Variants in HSDL2 observed in about 807,000 individuals in gnomAD.
HSDL2 encodes the protein hydroxysteroid dehydrogenase like 2, also known as hydroxysteroid dehydrogenase-like protein 2.
Under a neutral mutation model 46.3 loss-of-function variants are expected in HSDL2, and 27 were observed. That is an observed-to-expected ratio of 0.58 (90% CI 0.43 to 0.80). The LOEUF (loss-of-function observed/expected upper bound fraction) is 0.80, where lower values mean the gene tolerates loss of function less well. Among genes scored for constraint, HSDL2 ranks in the 30% least tolerant of loss-of-function variants. The pLI is 0.00. For missense variants in HSDL2, 451 were observed against 502.7 expected, an observed-to-expected ratio of 0.90 and a Z score of 0.98; for synonymous variants, 153 against 163.6, an observed-to-expected ratio of 0.94 and a Z score of 0.50.
At chr9:112,404,915 AT>A (rs1160515303) in intron 2 of HSDL2, among the ~76,000 whole-genome samples, 1 of 115,744 alleles carries the variant, frequency 8.6e-6, no homozygotes, top group Non-Finnish European at 1.8e-5. Context: ...CCAGCAAAAA[AT>A]AAAACAGGGG....
At chr9:112,427,598 G>A (rs919887552) in intron 6 of HSDL2, among the ~76,000 whole-genome samples, 3 of 152,036 alleles carry the variant, frequency 2.0e-5, no homozygotes, top group Non-Finnish European at 4.4e-5. Flanking sequence ...CATTGCATTT[G>A]TTTGATAAGT....
chr9:112,462,861 C>A (rs189734760), intron 10 of HSDL2, among the ~76,000 whole-genome samples: 2 of 152,266 alleles, frequency 1.3e-5, no homozygotes, highest in African/African-American at 4.8e-5. Flanking sequence ...ATTCCCAAAG[C>A]CCTAGCCAGC....
chr9:112,392,304 T>A (rs1208980183), intron 1 of HSDL2, among the ~76,000 whole-genome samples: 1 of 151,502 alleles, frequency 6.6e-6, no homozygotes, highest in Middle Eastern at 3.2e-3. Flanking sequence ...CTATGTTCAG[T>A]GGTGCAGGTA....
chr9:112,452,795 G>C (rs1197635452), intron 8 of HSDL2, among the ~76,000 whole-genome samples: 2 of 152,176 alleles, frequency 1.3e-5, no homozygotes, highest in Non-Finnish European at 2.9e-5. Flanking sequence ...TCATGATATG[G>C]GAGCAAAGCA....
chr9:112,420,737 A>G (rs1218878999), intron 6 of HSDL2, among the ~76,000 whole-genome samples: 2 of 151,948 alleles, frequency 1.3e-5, no homozygotes, highest in Non-Finnish European at 2.9e-5. Context: ...CATCATATAC[A>G]TTTCTGTTAC....
chr9:112,441,321 T>A (rs943087970), intron 7 of HSDL2, among the ~76,000 whole-genome samples: 1 of 152,102 alleles, frequency 6.6e-6, no homozygotes, highest in Admixed American at 6.5e-5. Flanking sequence ...GAGAAGAAAG[T>A]CCTTCTTAAG....
chr9:112,386,395 T>C (rs957365787), intron 1 of HSDL2, among the ~76,000 whole-genome samples: 7 of 152,170 alleles, frequency 4.6e-5, no homozygotes, highest in African/African-American at 1.7e-4. Context: ...GCCGATGATA[T>C]TATCCTGCAC....
chr9:112,385,027 T>G (rs1229916017), intron 1 of HSDL2, among the ~76,000 whole-genome samples: 1 of 152,156 alleles, frequency 6.6e-6, no homozygotes, highest in Admixed American at 6.5e-5. Context: ...TGGAGTTCAT[T>G]TCTGCAGGCT....
chr9:112,397,454 A>G (rs1831482702), intron 1 of HSDL2, among the ~76,000 whole-genome samples: 1 of 152,220 alleles, frequency 6.6e-6, no homozygotes, highest in Non-Finnish European at 1.5e-5. Context: ...CTTGTAATTT[A>G]GCCAAAAAAT....
chr9:112,400,380 G>A (rs963030826), intron 1 of HSDL2, among the ~76,000 whole-genome samples: 1 of 152,252 alleles, frequency 6.6e-6, no homozygotes, highest in East Asian at 1.9e-4. Flanking sequence ...AGGCCGAGGT[G>A]GGCAGATCAT....
intron 8 of HSDL2, among the ~76,000 whole-genome samples, chr9:112,446,891 T>C (rs4979118): frequency 0.96 from 145,575 of 152,324 alleles, 69,627 homozygotes; most frequent in African/African-American, 0.98. Context: ...AGAGACAGCT[T>C]CTGATCTTAG....
intron 5 of HSDL2, among the ~76,000 whole-genome samples, chr9:112,418,562 C>CAA (rs59788116): frequency 0.048 from 6,144 of 127,608 alleles, 492 homozygotes; most frequent in African/African-American, 0.16. Flanking sequence ...CAGCCTGTCT[C>CAA]AAAAAAAAAA....
intron 10 of HSDL2, among the ~76,000 whole-genome samples, chr9:112,461,268 A>T (rs960237843): frequency 7.9e-5 from 12 of 152,156 alleles, no homozygotes; most frequent in Admixed American, 3.3e-4. Flanking sequence ...TAGTAAAGAC[A>T]GGGTTTCACC....
chr9:112,409,273 T>C (rs1325943393), intron 4 of HSDL2, among the ~76,000 whole-genome samples: 2 of 152,182 alleles, frequency 1.3e-5, no homozygotes, highest in African/African-American at 4.8e-5. Flanking sequence ...CACTGCAACC[T>C]TTGCCTCCTA....
At chr9:112,455,227 T>C (rs966432923) in intron 9 of HSDL2, among the ~76,000 whole-genome samples, 3 of 151,632 alleles carry the variant, frequency 2.0e-5, no homozygotes, top group African/African-American at 7.3e-5. Flanking sequence ...CTGGGCAACA[T>C]AGTGAGACCC....
intron 2 of HSDL2, 105 bp from the exon 3 acceptor site, chr9:112,405,519 A>G: frequency 1.4e-6 from 1 of 726,678 alleles, no homozygotes; most frequent in Non-Finnish European, 2.3e-6. Context: ...ATTTATATTG[A>G]TTTTCTGAAA....
chr9:112,442,424 G>C (rs1832660857), intron 8 of HSDL2, among the ~76,000 whole-genome samples: 1 of 152,036 alleles, frequency 6.6e-6, no homozygotes, highest in African/African-American at 2.4e-5. Flanking sequence ...TTGAGGAAAA[G>C]TGTGTCATAT....
chr9:112,464,225 GACACACACACACACACAC>G (rs756529908), intron 10 of HSDL2, among the ~76,000 whole-genome samples: 27 of 4,828 alleles, frequency 5.6e-3, no homozygotes, highest in African/African-American at 0.02. Context: ...CACACACACA[GACACACACACACACACAC>G]ACACACACAC....
chr9:112,425,527 T>G (rs916978725), intron 6 of HSDL2, among the ~76,000 whole-genome samples: 1 of 152,152 alleles, frequency 6.6e-6, no homozygotes, highest in Admixed American at 6.6e-5. Context: ...GAACTCTTGA[T>G]TGTAAAGTTC....
Sources: allele counts gnomAD v4.1 joint callset (sites outside exome capture counted in the v4.1 genomes callset), GRCh38; gene constraint gnomAD v4.1.1; transcripts MANE v1.5; gene names NCBI Gene and HGNC (gene_info 2026-07-23, HGNC 2026-07-21).